Variants in TRIP4 observed in about 807,000 individuals in gnomAD.
TRIP4 encodes the protein activating signal cointegrator 1.
A neutral mutation model predicts 81.8 loss-of-function variants in TRIP4; 54 were observed. The observed-to-expected ratio is 0.66, with a 90% CI of 0.53 to 0.83. The LOEUF (loss-of-function observed/expected upper bound fraction) is 0.83, where lower values mean the gene tolerates loss of function less well. TRIP4 is among the 40% of genes least tolerant of loss of function. The pLI is 0.00. For missense variants in TRIP4, 662 were observed against 683.6 expected (o/e 0.97, Z 0.35); for synonymous variants, 270 against 242.8 (o/e 1.11, Z -1.04).
intron 2 of TRIP4, 69 bp downstream of exon 2, chr15:64,394,184 TA>T (rs932540745): frequency 8.1e-5 from 105 of 1,296,308 alleles, no homozygotes; most frequent in South Asian, 5.7e-4. Context: ...TTATTATTAT[TA>T]TTTTTTTTTT....
At chr15:64,408,248 A>G (rs1273122545) in intron 6 of TRIP4, among the ~76,000 whole-genome samples, 2 of 104,596 alleles carry the variant, frequency 1.9e-5, no homozygotes, top group Non-Finnish European at 3.9e-5. Context: ...TAAGAAGACA[A>G]ATTTTTTTTT....
intron 11 of TRIP4, among the ~76,000 whole-genome samples, chr15:64,426,828 A>G (rs1471677406): frequency 3.3e-5 from 5 of 151,750 alleles, no homozygotes; most frequent in Non-Finnish European, 7.4e-5. Context: ...GTCAAACCCC[A>G]TCTCTATAAA....
In TRIP4 at chr15:64,454,990, C is replaced by T. The variant is rs749421320; in HGVS notation, c.1679-7C>T. On this transcript the variant is annotated splice_polypyrimidine_tract_variant and splice_region_variant and intron_variant, in intron 12 of 12. Coordinates refer to ENST00000261884, the MANE Select transcript of TRIP4 (RefSeq NM_016213.5). ...TAAATAATGAGACTTATTTTTCTCC[C>T]TTACAGGGAAATTGGATTCCAAGAT... 40 of 1,613,488 alleles carry T rather than the reference C, an allele frequency of 2.5e-5. No individual in the cohort carries two copies. The East Asian group carries it at 8.5e-4, about 34-fold the overall frequency.
Position 64,455,180 on chromosome 15 carries a change from A to C in TRIP4, c.*116A>C. On this transcript the variant is annotated 3_prime_UTR_variant, in exon 13 of 13. Transcript: ENST00000261884. ...TAAAGGCTTGGCGTCAGGCTTGAAT[A>C]TCTCAGAACTTAAACTCTTACCAAA... The C allele has an allele frequency of 1.2e-6, 1 of 810,392 alleles. No homozygotes were observed. Among genetic ancestry groups the C allele is most frequent in the South Asian group, 2.4e-5 (1 of 41,510 alleles). The allele number at this position is 810,392 out of a possible 1,614,324, so 50.2% of individuals were successfully genotyped here. A position where few individuals can be genotyped will look rare whatever the true frequency, so the allele number is the denominator to read the frequency against.
At chr15:64,437,154 C>G (rs1230253435) in intron 11 of TRIP4, among the ~76,000 whole-genome samples, 1 of 151,838 alleles carries the variant, frequency 6.6e-6, no homozygotes, top group African/African-American at 2.4e-5. Context: ...GGTGTGGTGG[C>G]TCACACCTGT....
intron 1 of TRIP4, among the ~76,000 whole-genome samples, chr15:64,390,602 G>A (rs902401959): frequency 4.0e-5 from 6 of 151,804 alleles, no homozygotes; most frequent in Non-Finnish European, 7.4e-5. Context: ...AAGAAAATGC[G>A]TTCTCAGGCC....
At position 64,414,111 on chromosome 15, in the gene TRIP4, C is replaced by T; in HGVS notation, c.1070C>T (p.Ala357Val). The T allele has an allele frequency of 6.2e-7, 1 of 1,614,040 alleles. No homozygotes were observed. The highest frequency in any genetic ancestry group is 1.1e-5 in the South Asian group (1 of 91,084). Residue 357 changes from alanine to valine, a missense_variant, in exon 8 of 13, where the codon GCC (alanine) becomes GTC (valine). Ala to Val is a moderately conservative substitution (Grantham distance 64, BLOSUM62 0). Transcript: ENST00000261884. ...CTAGATGAGACAATACAGGCCATTG[C>T]CAATGGAACCTTGAACCAGCCACTG... ...SRLDETIQAI[A>V]NGTLNQPLTK...
intron 9 of TRIP4, among the ~76,000 whole-genome samples, chr15:64,420,184 C>T (rs1485918823): frequency 2.7e-5 from 4 of 145,492 alleles, no homozygotes; most frequent in Non-Finnish European, 6.0e-5. Flanking sequence ...TGCAATGGTG[C>T]GTTATCAGCT....
In TRIP4 at chr15:64,389,758, G is replaced by A. The variant is rs1257680536; in HGVS notation, c.101+1794G>A. 2.8e-5 allele frequency among the ~76,000 whole-genome samples: 4 copies of A among 142,938 alleles called. No homozygotes were observed. The East Asian group carries it at 8.2e-4, about 29-fold the overall frequency. 93.8% of individuals were successfully genotyped at this position (142,938 alleles called of 152,430 possible). A position where few individuals can be genotyped will look rare whatever the true frequency, so the allele number is the denominator to read the frequency against. ...CAGATTCTGTTGCCCAGGCTGGAGT[G>A]CAGTGGTGCGATCTCAGCTCGCTGC... is the stretch of plus-strand genomic sequence containing the variant. On this transcript the variant is annotated intron_variant, in intron 1 of 12. Transcript: ENST00000261884.
At chr15:64,390,535 A>AGG in intron 1 of TRIP4, among the ~76,000 whole-genome samples, 1 of 151,988 alleles carries the variant, frequency 6.6e-6, no homozygotes, top group Non-Finnish European at 1.5e-5. Context: ...TAAGAATGAT[A>AGG]GATGTAGTCT....
At chr15:64,420,025 A>G (rs1891975379) in intron 9 of TRIP4, among the ~76,000 whole-genome samples, 1 of 151,900 alleles carries the variant, frequency 6.6e-6, no homozygotes. Flanking sequence ...CATGTTGGCC[A>G]GGCTGGTCTT....
In TRIP4 at chr15:64,397,776, T is replaced by C; in HGVS notation, c.576T>C (p.Cys192=). 6 of 1,614,272 alleles carry C rather than the reference T, an allele frequency of 3.7e-6. No homozygotes were observed. Among genetic ancestry groups the C allele is most frequent in the East Asian group, 2.2e-5 (1 of 44,884 alleles). Residue 192 remains cysteine (C), a synonymous_variant, in exon 4 of 13, where the codon TGT becomes TGC. Coordinates refer to ENST00000261884, the MANE Select transcript of TRIP4 (RefSeq NM_016213.5). ...NNCLICGRIV[C]EQEGSGPCLF... ...GTCTGATCTGTGGGCGCATTGTCTG[T>C]GAACAAGAAGGCTCAGGCCCTTGCT...
intron 1 of TRIP4, 151 bp from the exon 2 acceptor site, chr15:64,393,795 T>C (rs2140549001): frequency 1.7e-6 from 1 of 602,898 alleles, no homozygotes; most frequent in East Asian, 3.4e-5. Context: ...TAGGATCGTA[T>C]CGTATTTCTA....
chr15:64,397,921 G>A, intron 4 of TRIP4, 103 bp downstream of exon 4: 2 of 1,313,894 alleles, frequency 1.5e-6, no homozygotes, highest in South Asian at 1.5e-5. Flanking sequence ...TTTTGGTTGA[G>A]ACGGAGTCTC....
intron 7 of TRIP4, among the ~76,000 whole-genome samples, chr15:64,413,829 G>A (rs374635035): frequency 1.6e-4 from 24 of 151,980 alleles, no homozygotes; most frequent in Admixed American, 1.1e-3. Context: ...CTTGTGATCC[G>A]CCCTCCTTGG....
intron 8 of TRIP4, among the ~76,000 whole-genome samples, chr15:64,414,770 A>G (rs1421578169): frequency 6.6e-6 from 1 of 151,670 alleles, no homozygotes; most frequent in Non-Finnish European, 1.5e-5. Context: ...ACCTGCCTCA[A>G]CCTCCCAAAG....
At chr15:64,390,081 T>C (rs1332637106) in intron 1 of TRIP4, among the ~76,000 whole-genome samples, 1 of 146,600 alleles carries the variant, frequency 6.8e-6, no homozygotes, top group African/African-American at 2.5e-5. Flanking sequence ...TCAAATATTA[T>C]ATTAAATATA....
Position 64,387,939 on chromosome 15 carries a change from C to T in TRIP4, c.76C>T (p.Leu26=). The T allele has an allele frequency of 6.4e-7, 1 of 1,551,070 alleles. No homozygotes were observed. The highest frequency in any genetic ancestry group is 8.7e-7 in the Non-Finnish European group (1 of 1,146,956). Reference sequence around the variant, plus strand: ...CCAGCAGTTGCGGAAGACTTTCGGCCTGGATGTCAGCGAGGAGATCATTCA... The same window carrying T: ...CCAGCAGTTGCGGAAGACTTTCGGCTTGGATGTCAGCGAGGAGATCATTCA... The part of the protein sequence containing the change: ...CTQQLRKTFG[L]DVSEEIIQYV... Residue 26 remains leucine (L), a synonymous_variant, in exon 1 of 13, where the codon CTG becomes TTG. Transcript: ENST00000261884.
At chr15:64,409,538 T>C (rs1368050417) in intron 6 of TRIP4, 75 bp from the exon 7 acceptor site, 17 of 1,415,630 alleles carry the variant, frequency 1.2e-5, no homozygotes, top group Non-Finnish European at 1.6e-5. Context: ...TTAAGTTACC[T>C]TGAAACTGTT....
Sources: allele counts gnomAD v4.1 joint callset (sites outside exome capture counted in the v4.1 genomes callset), GRCh38; gene constraint gnomAD v4.1.1; transcripts MANE v1.5; gene names NCBI Gene and HGNC (gene_info 2026-07-23, HGNC 2026-07-21).